AMD1: variants seen among roughly 807,000 people sequenced by gnomAD.
AMD1 encodes adenosylmethionine decarboxylase 1.
AMD1 carries 11 observed loss-of-function variants against 40.2 expected under a neutral mutation model. That is an observed-to-expected ratio of 0.27 (90% CI 0.17 to 0.45). AMD1 has a LOEUF of 0.45. AMD1 is among the 20% of genes least tolerant of loss of function. The pLI, the probability that AMD1 is intolerant of heterozygous loss-of-function variation, is 1.00. For synonymous variants in AMD1, 121 were observed against 130.8 expected, an observed-to-expected ratio of 0.93 and a Z score of 0.51; for missense variants, 257 against 410.2, an observed-to-expected ratio of 0.63 and a Z score of 3.23.
chr6:110,881,372 CAT>C (rs1243770235), intron 1 of AMD1, among the ~76,000 whole-genome samples: 5 of 152,156 alleles, frequency 3.3e-5, no homozygotes, highest in Admixed American at 6.5e-5. Flanking sequence ...AATGTTGCCA[CAT>C]GTCTTCTGGG....
the AMD1 span, among the ~76,000 whole-genome samples, chr6:110,828,794 G>A: frequency 6.6e-6 from 1 of 152,148 alleles, no homozygotes; most frequent in Non-Finnish European, 1.5e-5. Context: ...ATGGTCTAAG[G>A]TGAGCTCAGG....
intron 1 of AMD1, among the ~76,000 whole-genome samples, chr6:110,880,077 T>G (rs1051526921): frequency 6.6e-6 from 1 of 152,012 alleles, no homozygotes; most frequent in African/African-American, 2.4e-5. Context: ...TGCCTCAGCC[T>G]CCCTAATAGT....
At chr6:110,822,314 A>C in the AMD1 span, among the ~76,000 whole-genome samples, 2 of 152,234 alleles carry the variant, frequency 1.3e-5, no homozygotes, top group African/African-American at 4.8e-5. Context: ...CTCTGTGCAC[A>C]CAAACTAGAA....
chr6:110,879,799 A>G (rs572608547), intron 1 of AMD1, among the ~76,000 whole-genome samples: 1 of 152,324 alleles, frequency 6.6e-6, no homozygotes, highest in African/African-American at 2.4e-5. Flanking sequence ...ATTAGGAAGT[A>G]ATGAGTAATC....
chr6:110,888,828 T>C, intron 2 of AMD1, 29 bp from the exon 3 acceptor site: 1 of 1,605,428 alleles, frequency 6.2e-7, no homozygotes, highest in Non-Finnish European at 8.5e-7. Context: ...TTAGTATTGT[T>C]ATAATATTGT....
the AMD1 span, chr6:110,815,554 T>G: frequency 6.4e-6 from 1 of 156,200 alleles, no homozygotes; most frequent in Non-Finnish European, 1.4e-5. Flanking sequence ...GCGTAAGAAA[T>G]ACAGCTCCCA....
At chr6:110,869,749 T>G in the AMD1 span, among the ~76,000 whole-genome samples, 2 of 151,960 alleles carry the variant, frequency 1.3e-5, no homozygotes, top group East Asian at 3.9e-4. Flanking sequence ...CCTCAGGTGA[T>G]CCACCAGTCT....
At chr6:110,823,760 T>A in the AMD1 span, among the ~76,000 whole-genome samples, 1 of 152,186 alleles carries the variant, frequency 6.6e-6, no homozygotes, top group Non-Finnish European at 1.5e-5. Context: ...AAGAACTCAA[T>A]CCCTTTTACA....
the AMD1 span, among the ~76,000 whole-genome samples, chr6:110,840,172 C>T: frequency 4.5e-3 from 686 of 152,102 alleles, 6 homozygotes; most frequent in African/African-American, 0.015. Context: ...TGTGAGCCAC[C>T]GACCTGGCCG....
the AMD1 span, among the ~76,000 whole-genome samples, chr6:110,864,810 G>C: frequency 6.6e-6 from 1 of 152,110 alleles, no homozygotes; most frequent in African/African-American, 2.4e-5. Context: ...CCCTTAACCT[G>C]GCTTGTCACA....
the AMD1 span, among the ~76,000 whole-genome samples, chr6:110,846,108 G>A: frequency 6.6e-6 from 1 of 152,052 alleles, no homozygotes; most frequent in African/African-American, 2.4e-5. Flanking sequence ...GTGTGGTGGT[G>A]CACGCATGTA....
chr6:110,860,213 G>A, the AMD1 span, among the ~76,000 whole-genome samples: 1 of 151,286 alleles, frequency 6.6e-6, no homozygotes, highest in Non-Finnish European at 1.5e-5. Context: ...CTGGCCACAC[G>A]CCCCACCGAG....
rs117049657 is a variant in AMD1 at position 110,878,254 on chromosome 6, T to C, written c.110+3039T>C. On this transcript the variant is annotated intron_variant, in intron 1 of 8. Coordinates refer to ENST00000368885, the MANE Select transcript of AMD1 (RefSeq NM_001634.6). ...TCCTACACGATATTTACCTTTCATA[T>C]TTAGATCTGCAATCCATCTGGAATT... Among the ~76,000 whole-genome samples the C allele has an allele frequency of 8.8e-3, 1,344 of 152,328 alleles. 16 individuals are homozygous for C. Among genetic ancestry groups the C allele is most frequent in the Non-Finnish European group, 0.011 (729 of 68,026 alleles).
chr6:110,817,768 T>C, the AMD1 span, among the ~76,000 whole-genome samples: 1 of 152,116 alleles, frequency 6.6e-6, no homozygotes, highest in Non-Finnish European at 1.5e-5. Context: ...TAAACTGTGG[T>C]TTAAAAGAGC....
the AMD1 span, among the ~76,000 whole-genome samples, chr6:110,837,745 A>AATATATATATATATATATATATAT: frequency 1.7e-4 from 3 of 17,834 alleles, no homozygotes; most frequent in African/African-American, 4.5e-4. Flanking sequence ...AAAAAAAAAA[A>AATATATATATATATATATATATAT]ATATATATAT....
chr6:110,890,330 T>C lies in AMD1; in HGVS notation c.401T>C (p.Ile134Thr), dbSNP rs562875601. 49 of 1,598,568 alleles carry C rather than the reference T, an allele frequency of 3.1e-5. No individual in the cohort carries two copies. The Admixed American group carries it at 6.1e-4, about 20-fold the overall frequency. Residue 134 changes from isoleucine to threonine, a missense_variant, in exon 4 of 9, where the codon ATA becomes ACA. Transcript: ENST00000368885. Reference sequence around the variant, plus strand: ...CCACACCGGAATTTCCAGGAAGAAATAGAGTTTCTTAATGCAATTTTCCCA... The same window carrying C: ...CCACACCGGAATTTCCAGGAAGAAACAGAGTTTCTTAATGCAATTTTCCCA... ...GYPHRNFQEEIEFLNAIFPNG... is the reference protein window; with the variant it reads ...GYPHRNFQEETEFLNAIFPNG...
At chr6:110,847,442 G>A in the AMD1 span, among the ~76,000 whole-genome samples, 4 of 151,430 alleles carry the variant, frequency 2.6e-5, no homozygotes, top group South Asian at 2.1e-4. Context: ...GGAGAATGGC[G>A]TGAACCCGGG....
intron 1 of AMD1, among the ~76,000 whole-genome samples, chr6:110,876,153 A>G (rs115674809): frequency 0.024 from 3,599 of 152,352 alleles, 122 homozygotes; most frequent in African/African-American, 0.084. Flanking sequence ...ACCGCGCCGA[A>G]GAGGCGTTTT....
the AMD1 span, among the ~76,000 whole-genome samples, chr6:110,844,874 T>C: frequency 1.3e-5 from 2 of 152,158 alleles, no homozygotes; most frequent in South Asian, 4.1e-4. Flanking sequence ...CTCAAGGTTC[T>C]GCAGACAGTA....
Sources: gnomAD v4.1 joint callset for allele counts (sites outside exome capture counted in the v4.1 genomes callset) on GRCh38, gnomAD v4.1.1 for gene constraint, MANE v1.5 for transcripts, NCBI Gene and HGNC (gene_info 2026-07-23, HGNC 2026-07-21) for gene names.